BMAL2: variants seen among roughly 807,000 people sequenced by gnomAD.
BMAL2 encodes the protein basic helix-loop-helix ARNT-like protein 2.
the BMAL2 span, among the ~76,000 whole-genome samples, chr12:27,408,608 C>A: frequency 1.3e-5 from 2 of 152,180 alleles, no homozygotes; most frequent in African/African-American, 4.8e-5. Flanking sequence ...ATAATAAGAG[C>A]TATCTATGAC....
At chr12:27,415,385 T>A in the BMAL2 span, among the ~76,000 whole-genome samples, 1 of 152,186 alleles carries the variant, frequency 6.6e-6, no homozygotes, top group East Asian at 1.9e-4. Flanking sequence ...CATAAAGTTG[T>A]GTTTATGCCA....
chr12:27,382,555 C>A, the BMAL2 span, among the ~76,000 whole-genome samples: 2 of 152,194 alleles, frequency 1.3e-5, no homozygotes, highest in African/African-American at 4.8e-5. Context: ...TGCCTCAGCT[C>A]TGCTGAACAG....
chr12:27,370,639 T>C, the BMAL2 span, among the ~76,000 whole-genome samples: 1 of 152,062 alleles, frequency 6.6e-6, no homozygotes, highest in Non-Finnish European at 1.5e-5. Context: ...AGAGTCTCAC[T>C]CTGTCGCCAG....
At chr12:27,334,087 G>A in the BMAL2 span, among the ~76,000 whole-genome samples, 6 of 152,260 alleles carry the variant, frequency 3.9e-5, no homozygotes, top group East Asian at 7.7e-4. Context: ...ATGAGAGGAG[G>A]TGGCTTTCGA....
At chr12:27,405,794 C>G in the BMAL2 span, among the ~76,000 whole-genome samples, 1 of 151,980 alleles carries the variant, frequency 6.6e-6, no homozygotes, top group African/African-American at 2.4e-5. Context: ...CAAACTACTC[C>G]GAGCTAAAGG....
At chr12:27,398,267 T>C in the BMAL2 span, among the ~76,000 whole-genome samples, 7 of 152,328 alleles carry the variant, frequency 4.6e-5, no homozygotes, top group African/African-American at 1.4e-4. Context: ...TTTGAAAGGA[T>C]GTCCTGTAAA....
the BMAL2 span, among the ~76,000 whole-genome samples, chr12:27,405,984 A>G: frequency 5.9e-5 from 9 of 152,346 alleles, no homozygotes; most frequent in African/African-American, 1.9e-4. Flanking sequence ...ACTGGAAGAA[A>G]GGGTATCAGT....
chr12:27,375,154 T>A, the BMAL2 span, among the ~76,000 whole-genome samples: 1 of 152,174 alleles, frequency 6.6e-6, no homozygotes, highest in South Asian at 2.1e-4. Context: ...TTGTTAAAAA[T>A]CTGTAAAGAG....
chr12:27,353,206 A>C, the BMAL2 span, among the ~76,000 whole-genome samples: 1 of 152,242 alleles, frequency 6.6e-6, no homozygotes, highest in Non-Finnish European at 1.5e-5. Context: ...CCAAAACAGC[A>C]TGAGACTGGT....
At chr12:27,383,026 T>G in the BMAL2 span, among the ~76,000 whole-genome samples, 1 of 152,220 alleles carries the variant, frequency 6.6e-6, no homozygotes, top group Non-Finnish European at 1.5e-5. Context: ...CAGACCACAT[T>G]TAGAGTAGCC....
chr12:27,342,138 A>T, the BMAL2 span, among the ~76,000 whole-genome samples: 1 of 152,044 alleles, frequency 6.6e-6, no homozygotes, highest in Non-Finnish European at 1.5e-5. Flanking sequence ...TGGTTTCATC[A>T]TGATGGTCAG....
the BMAL2 span, among the ~76,000 whole-genome samples, chr12:27,420,019 G>GCGCGCGCGCGCACACA: frequency 2.2e-4 from 32 of 147,568 alleles, no homozygotes; most frequent in South Asian, 6.5e-4. Context: ...GTTTGCGCGT[G>GCGCGCGCGCGCACACA]CACACACACA....
At chr12:27,381,200 G>A in the BMAL2 span, among the ~76,000 whole-genome samples, 4 of 152,024 alleles carry the variant, frequency 2.6e-5, no homozygotes, top group African/African-American at 7.3e-5. Context: ...TTGGTGTGTG[G>A]GTGATCATTT....
At chr12:27,423,631 C>G in the BMAL2 span, 2 of 152,146 alleles carry the variant, frequency 1.3e-5, no homozygotes, top group Non-Finnish European at 2.9e-5. Context: ...GCCCGGCCTA[C>G]TCTACACTTT....
chr12:27,380,344 C>T, the BMAL2 span: 11 of 1,614,032 alleles, frequency 6.8e-6, no homozygotes, highest in African/African-American at 1.3e-5. Flanking sequence ...CCCCATGGCG[C>T]GTAAACTGGA....
At chr12:27,336,256 G>A in the BMAL2 span, among the ~76,000 whole-genome samples, 10 of 152,198 alleles carry the variant, frequency 6.6e-5, no homozygotes, top group Admixed American at 2.6e-4. Context: ...TGAGACATCC[G>A]CCTGTTCTGT....
chr12:27,403,802 A>T, the BMAL2 span, among the ~76,000 whole-genome samples: 1 of 152,156 alleles, frequency 6.6e-6, no homozygotes, highest in African/African-American at 2.4e-5. Context: ...TTCAACAGGA[A>T]GGCAGAATTG....
chr12:27,344,160 G>A, the BMAL2 span, among the ~76,000 whole-genome samples: 3 of 152,108 alleles, frequency 2.0e-5, no homozygotes, highest in Non-Finnish European at 2.9e-5. Flanking sequence ...AGATTAAGGC[G>A]GCAGAACTAG....
chr12:27,389,248 C>G, the BMAL2 span: 1 of 1,612,538 alleles, frequency 6.2e-7, no homozygotes, highest in Non-Finnish European at 8.5e-7. Flanking sequence ...AAAGGAACAA[C>G]TTTCTTCTTT....
Sources: gnomAD v4.1 joint callset for allele counts (sites outside exome capture counted in the v4.1 genomes callset) on GRCh38, gnomAD v4.1.1 for gene constraint, MANE v1.5 for transcripts, NCBI Gene and HGNC (gene_info 2026-07-23, HGNC 2026-07-21) for gene names.